The following RALY variants were observed in gnomAD, a reference collection of about 807,000 sequenced individuals.
RALY encodes RALY heterogeneous nuclear ribonucleoprotein.
A neutral mutation model predicts 30.7 loss-of-function variants in RALY; 15 were observed. The observed-to-expected ratio is 0.49, with a 90% confidence interval of 0.33 to 0.75. RALY has a LOEUF of 0.75. RALY is among the 30% of genes least tolerant of loss of function. The pLI, the probability that RALY is intolerant of heterozygous loss-of-function variation, is 0.02. For synonymous variants in RALY, 177 were observed against 170.8 expected (o/e 1.04, Z -0.28); for missense variants, 339 against 414.3 (o/e 0.82, Z 1.58).
chr20:34,018,438 TC>T (rs2123043373), intron 1 of RALY, among the ~76,000 whole-genome samples: 1 of 152,306 alleles, frequency 6.6e-6, no homozygotes, highest in South Asian at 2.1e-4. Context: ...CATGGCAAAA[TC>T]TTCTGCTTCA....
intron 2 of RALY, among the ~76,000 whole-genome samples, chr20:34,038,225 A>C (rs1012640910): frequency 2.0e-5 from 3 of 152,204 alleles, no homozygotes; most frequent in Non-Finnish European, 4.4e-5. Context: ...ACAGCCAAAC[A>C]GGAGAGGGAC....
At chr20:33,994,483 G>A (rs1380522948) in intron 1 of RALY, 5 of 152,412 alleles carry the variant, frequency 3.3e-5, no homozygotes, top group Non-Finnish European at 7.3e-5. Context: ...CGCCCGGCGA[G>A]GGGCGGAGGG....
intron 1 of RALY, among the ~76,000 whole-genome samples, chr20:34,026,503 C>T (rs6088380): frequency 0.093 from 13,715 of 147,988 alleles, 718 homozygotes; most frequent in African/African-American, 0.14. Flanking sequence ...CCCGGGTTCA[C>T]GCCATTCTCC....
intron 2 of RALY, among the ~76,000 whole-genome samples, chr20:34,069,428 G>A (rs2033665664): frequency 6.6e-6 from 1 of 152,128 alleles, no homozygotes; most frequent in African/African-American, 2.4e-5. Flanking sequence ...AGTGGTGCTT[G>A]TGGCTCCCAG....
At chr20:34,017,810 CTTG>C (rs2031666343) in intron 1 of RALY, 1 of 152,198 alleles carries the variant, frequency 6.6e-6, no homozygotes, top group African/African-American at 2.4e-5. Context: ...TCAACAGATA[CTTG>C]TTGAGTGTCT....
intron 1 of RALY, among the ~76,000 whole-genome samples, chr20:34,002,880 TGCTCTATTTTGAAATAAAATA>T (rs886099896): frequency 1.3e-5 from 2 of 152,362 alleles, no homozygotes; most frequent in Admixed American, 6.5e-5. Flanking sequence ...AGTTTTATTA[TGCTCTATTTTGAAATAAAATA>T]GCTCTATTTT....
intron 2 of RALY, chr20:34,049,088 T>G (rs2032990019): frequency 6.5e-6 from 1 of 153,012 alleles, no homozygotes; most frequent in Non-Finnish European, 1.5e-5. Flanking sequence ...TGAGGAAGGT[T>G]ATGGCTGAGG....
intron 2 of RALY, among the ~76,000 whole-genome samples, chr20:34,053,892 A>G (rs537739768): frequency 1.3e-5 from 2 of 152,170 alleles, no homozygotes; most frequent in African/African-American, 4.8e-5. Context: ...CAAGGATGGC[A>G]TTTTCTGGCC....
chr20:34,020,980 G>C (rs2031796831), intron 1 of RALY, among the ~76,000 whole-genome samples: 1 of 147,660 alleles, frequency 6.8e-6, no homozygotes, highest in African/African-American at 2.5e-5. Flanking sequence ...TATTTTTTTT[G>C]AGACAGAGTC....
At chr20:34,032,510 TG>T (rs1353524968) in intron 2 of RALY, among the ~76,000 whole-genome samples, 3 of 18,116 alleles carry the variant, frequency 1.7e-4, no homozygotes, top group East Asian at 3.1e-3. Context: ...TTTTGTGTGT[TG>T]GGGGGGGTTT....
chr20:34,035,233 C>T (rs538316804), intron 2 of RALY, among the ~76,000 whole-genome samples: 8 of 141,956 alleles, frequency 5.6e-5, no homozygotes, highest in Admixed American at 1.4e-4. Flanking sequence ...CCACAAACAT[C>T]GGTGTCCCTC....
At chr20:34,034,425 C>T (rs1174200432) in intron 2 of RALY, among the ~76,000 whole-genome samples, 1 of 152,308 alleles carries the variant, frequency 6.6e-6, no homozygotes, top group East Asian at 1.9e-4. Flanking sequence ...ATCTAAAGTT[C>T]TACAGCTTCT....
chr20:34,076,732 C>T lies in RALY; in HGVS notation c.575C>T (p.Thr192Met), dbSNP rs376329994. ...LKSSELQAIKTELTQIKSNID... is the reference protein window; with the variant it reads ...LKSSELQAIKMELTQIKSNID... Reference sequence around the variant, plus strand: ...AGCAGTGAGCTGCAGGCCATCAAGACGGAGCTGACACAGATCAAGTCCAAT... The same window carrying T: ...AGCAGTGAGCTGCAGGCCATCAAGATGGAGCTGACACAGATCAAGTCCAAT... Residue 192 changes from threonine (T) to methionine (M), a missense_variant, in exon 7 of 10, where the codon ACG (threonine) becomes ATG (methionine). By Grantham distance (81) the Thr-to-Met change is moderately conservative (BLOSUM62 -1). Transcript: ENST00000246194. 104 of 1,614,012 alleles carry T rather than the reference C, an allele frequency of 6.4e-5. No individual in the cohort carries two copies. The highest frequency in any genetic ancestry group is 8.2e-5 in the Non-Finnish European group (97 of 1,180,028).
intron 2 of RALY, among the ~76,000 whole-genome samples, chr20:34,067,816 C>CTTTTT (rs11480087): frequency 7.8e-4 from 103 of 132,678 alleles, no homozygotes; most frequent in African/African-American, 2.8e-3. Context: ...TTTCTTTTTT[C>CTTTTT]TTTTTTTTTT....
At position 34,080,415 on chromosome 20, in the gene RALY, G is replaced by A. The variant is rs2034010133; in HGVS notation, c.*510G>A. ...ATGGCCAGTGGGGCCACTGGGGAGG[G>A]TTGGATATGCTGGCCCATGAGCATC... On this transcript the variant is annotated 3_prime_UTR_variant, in exon 10 of 10. Transcript: ENST00000246194. The A allele has an allele frequency of 6.6e-6, 1 of 152,484 alleles. No homozygotes were observed. The highest frequency in any genetic ancestry group is 2.4e-5 in the African/African-American group (1 of 41,408). The allele number at this position is 152,484 out of a possible 1,614,324, so 9.4% of individuals were successfully genotyped here. A position where few individuals can be genotyped will look rare whatever the true frequency, so the allele number is the denominator to read the frequency against.
chr20:34,044,842 C>T (rs1246874859), intron 2 of RALY, among the ~76,000 whole-genome samples: 2 of 152,214 alleles, frequency 1.3e-5, no homozygotes, highest in African/African-American at 4.8e-5. Context: ...ATCCATTCAA[C>T]AGATGTCTGA....
intron 5 of RALY, 146 bp from the exon 6 acceptor site, chr20:34,075,728 A>T: frequency 1.1e-6 from 1 of 885,092 alleles, no homozygotes; most frequent in Non-Finnish European, 1.7e-6. Context: ...CTTCCTCTTC[A>T]CTCCAGGGCT....
At chr20:34,048,923 C>G (rs1033502815) in intron 2 of RALY, among the ~76,000 whole-genome samples, 3 of 151,884 alleles carry the variant, frequency 2.0e-5, no homozygotes, top group Admixed American at 6.6e-5. Context: ...ATTCATTCAG[C>G]CTTCAACAGA....
At chr20:34,047,434 T>C (rs149350375) in intron 2 of RALY, among the ~76,000 whole-genome samples, 79 of 152,288 alleles carry the variant, frequency 5.2e-4, no homozygotes, top group African/African-American at 1.7e-3. Flanking sequence ...GCCAGCTCCA[T>C]TGAATGGAAG....
Sources: gnomAD v4.1 joint callset for allele counts (sites outside exome capture counted in the v4.1 genomes callset) on GRCh38, gnomAD v4.1.1 for gene constraint, MANE v1.5 for transcripts, NCBI Gene and HGNC (gene_info 2026-07-23, HGNC 2026-07-21) for gene names.